The following NUP210 variants were observed in gnomAD, a reference collection of about 807,000 sequenced individuals.
The protein encoded by NUP210 is nuclear pore membrane glycoprotein 210.
A neutral mutation model predicts 196.0 loss-of-function variants in NUP210; 151 were observed. The ratio of observed to expected loss-of-function variants is 0.77; its 90% CI spans 0.67 to 0.88. The LOEUF is 0.88. NUP210 is among the 40% of genes least tolerant of loss of function. NUP210 has a pLI of 0.00. For synonymous variants in NUP210, 1,070 were observed against 1,052.7 expected (o/e 1.02, Z -0.32); for missense variants, 2,314 against 2,493.7 (o/e 0.93, Z 1.53).
chr3:13,375,719 C>T, intron 10 of NUP210, 78 bp from the exon 11 acceptor site: 1 of 1,486,750 alleles, frequency 6.7e-7, no homozygotes, highest in Non-Finnish European at 9.2e-7. Context: ...GGACCCCCAC[C>T]CCTCCCTGGG....
intron 26 of NUP210, among the ~76,000 whole-genome samples, chr3:13,337,420 C>T (rs960832257): frequency 3.9e-5 from 6 of 152,246 alleles, no homozygotes; most frequent in Non-Finnish European, 7.3e-5. Flanking sequence ...CCCACTGCTG[C>T]CACTTCCTAG....
rs139763398 is a variant in NUP210, at chr3:13,319,903, G to A, written c.5243C>T (p.Thr1748Met). 293 of 1,614,206 alleles carry A rather than the reference G, an allele frequency of 1.8e-4. 2 individuals carry two copies. The East Asian group carries it at 6.4e-3, about 35-fold the overall frequency. The change falls in exon 37 of 40, where the codon ACG (threonine) becomes ATG (methionine). Residue 1748 changes from threonine to methionine, a missense_variant. By Grantham distance (81) the Thr-to-Met change is moderately conservative. Coordinates refer to ENST00000254508, the MANE Select transcript of NUP210 (RefSeq NM_024923.4). ...SFGWPSFITY[T>M]VGVLDPAAGS... is the part of the protein sequence containing the mutation. The stretch of plus-strand genomic sequence containing the variant: ...AGCCGCGGGGTCCAAGACGCCGACC[G>A]TGTATGTGATGAAGCTGGGCCACCC...
chr3:13,369,900 C>T (rs1184312790), intron 13 of NUP210, among the ~76,000 whole-genome samples: 1 of 152,214 alleles, frequency 6.6e-6, no homozygotes. Context: ...CAGAGGGAGC[C>T]ACAGAGGGGA....
chr3:13,415,315 C>T (rs1463140182), intron 1 of NUP210, among the ~76,000 whole-genome samples: 1 of 152,234 alleles, frequency 6.6e-6, no homozygotes, highest in Non-Finnish European at 1.5e-5. Context: ...TCCATCAGTG[C>T]TTGTCCCCTG....
chr3:13,327,655 A>G (rs1405444727), intron 31 of NUP210, among the ~76,000 whole-genome samples: 1 of 152,234 alleles, frequency 6.6e-6, no homozygotes, highest in Non-Finnish European at 1.5e-5. Context: ...CATGCCAGAA[A>G]GCACATGCAG....
At chr3:13,413,614 T>C (rs1475742191) in intron 1 of NUP210, among the ~76,000 whole-genome samples, 1 of 152,218 alleles carries the variant, frequency 6.6e-6, no homozygotes, top group Non-Finnish European at 1.5e-5. Flanking sequence ...ACTCTAGGCG[T>C]CTGCCTGTTC....
chr3:13,380,900 C>T (rs1228558265), intron 6 of NUP210, among the ~76,000 whole-genome samples: 3 of 152,220 alleles, frequency 2.0e-5, no homozygotes, highest in African/African-American at 7.2e-5. Context: ...TTCACTAGAA[C>T]ATTGGGTCCC....
chr3:13,354,045 G>A lies in NUP210; in HGVS notation c.2391C>T (p.Arg797=), dbSNP rs1218323061. ...TCAGAGAGCTGAAGTTGTCGAACCG[G>A]CGGCCCTCCTGGTCGTAAGCAGCCA... ...LDLAAYDQEG[R]RFDNFSSLSI... The change falls in exon 17 of 40, where the codon CGC becomes CGT. Residue 797 remains arginine, a synonymous_variant. Transcript: ENST00000254508. 1 of 1,606,662 alleles carries A rather than the reference G, an allele frequency of 6.2e-7. No homozygotes were observed. The highest frequency in any genetic ancestry group is 2.2e-5 in the East Asian group (1 of 44,540).
chr3:13,404,831 C>T (rs1286222985), intron 1 of NUP210, among the ~76,000 whole-genome samples: 3 of 152,146 alleles, frequency 2.0e-5, no homozygotes, highest in Non-Finnish European at 2.9e-5. Context: ...ATGTGCAAGT[C>T]GGGAATGTTT....
intron 14 of NUP210, 111 bp downstream of exon 14, chr3:13,365,835 G>T: frequency 1.7e-6 from 2 of 1,205,194 alleles, no homozygotes; most frequent in Non-Finnish European, 2.4e-6. Context: ...TGTGCCAAAA[G>T]CTATTTTGAA....
chr3:13,326,473 G>A (rs913378842), intron 32 of NUP210, among the ~76,000 whole-genome samples: 8 of 152,066 alleles, frequency 5.3e-5, no homozygotes, highest in South Asian at 2.1e-4. Flanking sequence ...TCTATTTATG[G>A]CAAATTATAT....
intron 14 of NUP210, among the ~76,000 whole-genome samples, chr3:13,364,929 AT>A: frequency 6.6e-6 from 1 of 152,224 alleles, no homozygotes; most frequent in Non-Finnish European, 1.5e-5. Flanking sequence ...GGGACAAACC[AT>A]GAGGACCGGA....
At chr3:13,337,100 G>T in intron 26 of NUP210, 182 bp from the exon 27 acceptor site, 1 of 623,160 alleles carries the variant, frequency 1.6e-6, no homozygotes, top group Non-Finnish European at 2.7e-6. Flanking sequence ...AGGTGGGACT[G>T]TTTTCCCCAT....
chr3:13,343,998 C>T (rs1037119815), intron 20 of NUP210, among the ~76,000 whole-genome samples: 2 of 152,174 alleles, frequency 1.3e-5, no homozygotes, highest in Non-Finnish European at 2.9e-5. Context: ...CAAATCAGAG[C>T]TAGTTTTTTC....
chr3:13,332,357 G>C lies in NUP210; in HGVS notation c.3871C>G (p.Pro1291Ala). The change falls in exon 29 of 40, where the codon CCT becomes GCT. Residue 1291 changes from proline (P) to alanine (A), a missense_variant. By Grantham distance (27) the Pro-to-Ala change is conservative. Coordinates refer to ENST00000254508, the MANE Select transcript of NUP210 (RefSeq NM_024923.4). ...QVFEKLQLLNPEIEAEQILMS... is the reference protein window; with the variant it reads ...QVFEKLQLLNAEIEAEQILMS... The stretch of plus-strand genomic sequence containing the variant: ...AATATTTGTTCTGCTTCTATTTCAG[G>C]GTTGAGCAGCTGCAGCTTCTCAAAC... The C allele has an allele frequency of 1.2e-6, 2 of 1,613,570 alleles. No homozygotes were observed. Among genetic ancestry groups the C allele is most frequent in the Non-Finnish European group, 1.7e-6 (2 of 1,179,752 alleles).
At chr3:13,411,885 C>T (rs910721505) in intron 1 of NUP210, among the ~76,000 whole-genome samples, 7 of 151,994 alleles carry the variant, frequency 4.6e-5, no homozygotes, top group Non-Finnish European at 7.4e-5. Context: ...GCATTATAAG[C>T]GCCCAGCACC....
At chr3:13,411,850 C>G (rs988020381) in intron 1 of NUP210, among the ~76,000 whole-genome samples, 2 of 152,238 alleles carry the variant, frequency 1.3e-5, no homozygotes, top group African/African-American at 4.8e-5. Context: ...AAGCAATTCT[C>G]CTGCCTCAGC....
At chr3:13,416,923 C>T (rs1000729982) in intron 1 of NUP210, among the ~76,000 whole-genome samples, 1 of 152,240 alleles carries the variant, frequency 6.6e-6, no homozygotes, top group African/African-American at 2.4e-5. Flanking sequence ...AAGATTATGG[C>T]ATGATTTCTT....
chr3:13,402,617 C>T (rs1242752445), intron 1 of NUP210, among the ~76,000 whole-genome samples: 2 of 152,098 alleles, frequency 1.3e-5, no homozygotes, highest in Admixed American at 1.3e-4. Flanking sequence ...CTTTCATGTC[C>T]ATGTAGCAGG....
Sources: allele counts gnomAD v4.1 joint callset (sites outside exome capture counted in the v4.1 genomes callset), GRCh38; gene constraint gnomAD v4.1.1; transcripts MANE v1.5; gene names NCBI Gene and HGNC (gene_info 2026-07-23, HGNC 2026-07-21).